Variants in ACSBG1 observed in about 807,000 individuals in gnomAD.
The protein encoded by ACSBG1 is long-chain-fatty-acid--CoA ligase ACSBG1.
In ACSBG1, 39 loss-of-function variants were observed where a neutral mutation model predicts 80.2. The ratio of observed to expected loss-of-function variants is 0.49; its 90% CI spans 0.38 to 0.64. The LOEUF is 0.64. Among genes scored for constraint, ACSBG1 ranks in the 30% least tolerant of loss-of-function variants. The pLI is 0.00. For missense variants in ACSBG1, 828 were observed against 966.4 expected (o/e 0.86, Z 1.90); for synonymous variants, 392 against 379.5 (o/e 1.03, Z -0.38).
chr15:78,222,304 G>A lies in ACSBG1; in HGVS notation c.131+12067C>T, dbSNP rs535346969. On this transcript the variant is annotated intron_variant, in intron 1 of 13. Transcript: ENST00000258873. ...GTTTCTTAGGGCTAGGGGGATTGAG[G>A]AGAAATAGGAAGTGACTACTAATGG... is the stretch of plus-strand genomic sequence containing the variant. Among the ~76,000 whole-genome samples the A allele has an allele frequency of 3.3e-5, 5 of 152,318 alleles. No homozygotes were observed. In the South Asian group the frequency reaches 6.2e-4, roughly 19 times the overall value.
chr15:78,182,884 C>T, intron 5 of ACSBG1, 99 bp from the exon 6 acceptor site: 2 of 1,313,718 alleles, frequency 1.5e-6, no homozygotes, highest in South Asian at 2.4e-5. Context: ...GTAAAGGTCT[C>T]TGGGTGCCCC....
Position 78,178,572 on chromosome 15 carries a change from G to T in ACSBG1, c.1702+42C>A. 6.4e-7 allele frequency: 1 copy of T among 1,565,690 alleles called. No individual in the cohort carries two copies. The highest frequency in any genetic ancestry group is 8.6e-7 in the Non-Finnish European group (1 of 1,157,436). On this transcript the variant is annotated intron_variant, in intron 11 of 13. Coordinates refer to ENST00000258873, the MANE Select transcript of ACSBG1 (RefSeq NM_015162.5). The surrounding 1 kb of genome is among the most constrained non-coding windows in gnomAD (Gnocchi z 4.3). ...CCGCCTTGGCCTCCCAAAGTGCTGGGATTACAGGCATGAGCCACCGTGCCT... is the reference window on the plus strand; with the variant it reads ...CCGCCTTGGCCTCCCAAAGTGCTGGTATTACAGGCATGAGCCACCGTGCCT...
Position 78,208,027 on chromosome 15 carries a change from C to T in ACSBG1, c.207G>A (p.Val69=), listed in dbSNP as rs1405879268. The part of the protein sequence containing the change: ...HALELSVPEK[V]NNAQWDAPEE... ...CTGGAGCATCCCACTGGGCATTATTCACCTTCTCTGGCACTGAGAGCTCGA... is the reference window on the plus strand; with the variant it reads ...CTGGAGCATCCCACTGGGCATTATTTACCTTCTCTGGCACTGAGAGCTCGA... Residue 69 remains valine (V), a synonymous_variant, in exon 2 of 14, where the codon GTG becomes GTA. Coordinates refer to ENST00000258873, the MANE Select transcript of ACSBG1 (RefSeq NM_015162.5). 3 of 1,515,872 alleles carry T rather than the reference C, an allele frequency of 2.0e-6. No homozygotes were observed. The highest frequency in any genetic ancestry group is 2.7e-6 in the Non-Finnish European group (3 of 1,117,454). The allele number at this position is 1,515,872 out of a possible 1,614,324, so 93.9% of individuals were successfully genotyped here. A position where few individuals can be genotyped will look rare whatever the true frequency, so the allele number is the denominator to read the frequency against.
At chr15:78,197,555 C>CTAAAAATA (rs2075125647) in intron 2 of ACSBG1, among the ~76,000 whole-genome samples, 1 of 151,698 alleles carries the variant, frequency 6.6e-6, no homozygotes, top group African/African-American at 2.4e-5. Context: ...CCTGTCTCTA[C>CTAAAAATA]TAAAAATACA....
intron 2 of ACSBG1, among the ~76,000 whole-genome samples, chr15:78,202,381 TTTGTATTTTA>T: frequency 6.6e-6 from 1 of 152,042 alleles, no homozygotes; most frequent in Non-Finnish European, 1.5e-5. Context: ...CAGCTAATTT[TTTGTATTTTA>T]GTAGAGACGG....
At chr15:78,209,379 C>T in intron 1 of ACSBG1, 3 of 401,480 alleles carry the variant, frequency 7.5e-6, no homozygotes, top group Non-Finnish European at 1.5e-5. Context: ...GGGCCACAGG[C>T]CTGGAGCAGC....
rs1246454387 is a variant in ACSBG1 at position 78,180,792 on chromosome 15, A to G, written c.1216T>C (p.Ser406Pro). Residue 406 changes from serine (S) to proline (P), a missense_variant, in exon 9 of 14, where the codon TCG (serine) becomes CCG (proline). By Grantham distance (74) the Ser-to-Pro change is moderately conservative (BLOSUM62 -1). Transcript: ENST00000258873. ...IRRKMLLWAMSVTLEQNLTCP... is the reference protein window; with the variant it reads ...IRRKMLLWAMPVTLEQNLTCP... ...GTGAGGTTCTGCTCCAAGGTCACCGACATGGCCCACAGCAGCATCTTTCGC... is the reference window on the plus strand; with the variant it reads ...GTGAGGTTCTGCTCCAAGGTCACCGGCATGGCCCACAGCAGCATCTTTCGC... The G allele has an allele frequency of 1.2e-6, 2 of 1,614,164 alleles. No individual in the cohort carries two copies. The highest frequency in any genetic ancestry group is 2.7e-5 in the African/African-American group (2 of 75,052).
At chr15:78,193,834 G>C in intron 4 of ACSBG1, 98 bp downstream of exon 4, 1 of 1,481,494 alleles carries the variant, frequency 6.7e-7, no homozygotes, top group Middle Eastern at 1.7e-4. Flanking sequence ...AGGATGGTGG[G>C]GAGTGGGTGG....
chr15:78,183,554 G>T (rs552701094), intron 5 of ACSBG1, among the ~76,000 whole-genome samples: 1 of 152,270 alleles, frequency 6.6e-6, no homozygotes, highest in African/African-American at 2.4e-5. Context: ...TCCAGAGAGA[G>T]ACTCTGTCTC....
intron 2 of ACSBG1, among the ~76,000 whole-genome samples, chr15:78,195,459 C>A (rs1252432918): frequency 2.7e-5 from 4 of 147,510 alleles, no homozygotes; most frequent in Non-Finnish European, 4.4e-5. Context: ...GGGGTGCCAC[C>A]CTGCCTTTAA....
At chr15:78,185,011 A>G (rs1159183091) in intron 5 of ACSBG1, among the ~76,000 whole-genome samples, 1 of 145,972 alleles carries the variant, frequency 6.9e-6, no homozygotes, top group Non-Finnish European at 1.5e-5. Context: ...AGACAGAGGG[A>G]GAGAGAGGGA....
chr15:78,194,312 G>A (rs539600423), intron 3 of ACSBG1, among the ~76,000 whole-genome samples, 194 bp downstream of exon 3: 1 of 152,254 alleles, frequency 6.6e-6, no homozygotes, highest in Non-Finnish European at 1.5e-5. Flanking sequence ...CTTGGCACAT[G>A]GTAGGGGCTC....
intron 13 of ACSBG1, among the ~76,000 whole-genome samples, chr15:78,173,292 C>G (rs2074845004): frequency 7.3e-6 from 1 of 137,758 alleles, no homozygotes; most frequent in Non-Finnish European, 1.5e-5. Flanking sequence ...TTGCAGTGAG[C>G]CAAGGTCGTG....
At chr15:78,200,279 G>A (rs2075154665) in intron 2 of ACSBG1, among the ~76,000 whole-genome samples, 1 of 152,130 alleles carries the variant, frequency 6.6e-6, no homozygotes, top group Non-Finnish European at 1.5e-5. Context: ...TTTCATGACA[G>A]GGACAAGAGC....
chr15:78,193,752 G>A lies in ACSBG1; in HGVS notation c.543-126C>T. On this transcript the variant is annotated intron_variant, in intron 4 of 13. Coordinates refer to ENST00000258873, the MANE Select transcript of ACSBG1 (RefSeq NM_015162.5). ...TAGCCTGGCAGGAGGGGCTCCCAAG[G>A]CACCTGAGCACCTCCTCCCCTGCAG... The A allele has an allele frequency of 2.1e-6, 3 of 1,436,354 alleles. No homozygotes were observed. In the South Asian group the frequency reaches 4.2e-5, roughly 20 times the overall value. The allele number at this position is 1,436,354 out of a possible 1,614,324, so 89.0% of individuals were successfully genotyped here. A position where few individuals can be genotyped will look rare whatever the true frequency, so the allele number is the denominator to read the frequency against.
chr15:78,215,751 A>G (rs562129697), intron 1 of ACSBG1, among the ~76,000 whole-genome samples: 2 of 148,778 alleles, frequency 1.3e-5, no homozygotes, highest in African/African-American at 4.9e-5. Flanking sequence ...AGAAAGAAAG[A>G]AAGAAAGAAA....
intron 1 of ACSBG1, among the ~76,000 whole-genome samples, chr15:78,214,086 G>A (rs2075288999): frequency 6.6e-6 from 1 of 152,160 alleles, no homozygotes; most frequent in South Asian, 2.1e-4. Context: ...ATTCCCACAG[G>A]AGAGCCCCTG....
chr15:78,222,489 C>G (rs896171997), intron 1 of ACSBG1, among the ~76,000 whole-genome samples: 4 of 152,066 alleles, frequency 2.6e-5, no homozygotes, highest in African/African-American at 9.7e-5. Flanking sequence ...ATGGTGAAAC[C>G]CTGTCTCCAC....
intron 5 of ACSBG1, among the ~76,000 whole-genome samples, chr15:78,192,717 A>C (rs572945752): frequency 2.7e-4 from 41 of 152,348 alleles, no homozygotes; most frequent in Non-Finnish European, 4.7e-4. Flanking sequence ...CTGGGGATCC[A>C]GATCGCATAG....
Sources: gnomAD v4.1 joint callset for allele counts (sites outside exome capture counted in the v4.1 genomes callset) on GRCh38, gnomAD v4.1.1 for gene constraint, Gnocchi (gnomAD v3.1) non-coding constraint, MANE v1.5 for transcripts, NCBI Gene and HGNC (gene_info 2026-07-23, HGNC 2026-07-21) for gene names.